The following BRMS1L variants were observed in gnomAD, a reference collection of about 807,000 sequenced individuals.
BRMS1L encodes breast cancer metastasis-suppressor 1-like protein.
BRMS1L carries 23 observed loss-of-function variants against 50.3 expected under a neutral mutation model. The observed-to-expected ratio is 0.46, with a 90% CI of 0.33 to 0.65. BRMS1L has a LOEUF of 0.65. Ranked by LOEUF, BRMS1L falls within the 30% of genes least tolerant of loss-of-function variation. The pLI, the probability that BRMS1L is intolerant of heterozygous loss-of-function variation, is 0.02. For synonymous variants in BRMS1L, 114 were observed against 126.9 expected, an observed-to-expected ratio of 0.90 and a Z score of 0.69; for missense variants, 286 against 386.1, an observed-to-expected ratio of 0.74 and a Z score of 2.17.
At position 35,863,710 on chromosome 14, in the gene BRMS1L, G is replaced by T. The variant is rs146135374; in HGVS notation, c.539-160G>T. 6.5e-3 allele frequency among the ~76,000 whole-genome samples: 995 copies of T among 152,296 alleles called. 5 individuals carry two copies. The highest frequency in any genetic ancestry group is 0.011 in the Non-Finnish European group (733 of 68,034). ...GCAGAGCAAAACTTAAACACGTAGT[G>T]CTCATGAAATTATGTACAGCTTAAT... On this transcript the variant is annotated intron_variant, in intron 5 of 9. Coordinates refer to ENST00000216807, the MANE Select transcript of BRMS1L (RefSeq NM_032352.4).
At chr14:35,865,092 G>A (rs1353200865) in intron 7 of BRMS1L, 93 bp downstream of exon 7, 1 of 922,996 alleles carries the variant, frequency 1.1e-6, no homozygotes, top group East Asian at 2.8e-5. Context: ...AAATATTATT[G>A]TAAATATGCT....
chr14:35,850,214 T>C (rs1298583554), intron 4 of BRMS1L, among the ~76,000 whole-genome samples: 1 of 151,390 alleles, frequency 6.6e-6, no homozygotes, highest in African/African-American at 2.4e-5. Flanking sequence ...CTTTTCTTTT[T>C]TTTTTTTTTT....
chr14:35,865,699 C>CTTTTTT, intron 7 of BRMS1L, 23 bp from the exon 8 acceptor site: 1 of 1,409,632 alleles, frequency 7.1e-7, no homozygotes, highest in Admixed American at 2.3e-5. Context: ...CTTTCTTCCT[C>CTTTTTT]TTTTTTTTTT....
rs530300734 is a variant in BRMS1L at position 35,844,791 on chromosome 14, TTTA to T, written c.441+9871_441+9873del. ...GACCCCATCACTAAAAAAATTACTTTTTATTTTTTGCTGCTATATCAAAAATAA... is the reference window on the plus strand; with the variant it reads ...GACCCCATCACTAAAAAAATTACTTTTTTTTTGCTGCTATATCAAAAATAA... On this transcript the variant is annotated intron_variant, in intron 4 of 9. Coordinates refer to ENST00000216807, the MANE Select transcript of BRMS1L (RefSeq NM_032352.4). Among the ~76,000 whole-genome samples the T allele has an allele frequency of 1.1e-4, 17 of 152,318 alleles. No individual in the cohort carries two copies. The South Asian group carries it at 3.5e-3, about 32-fold the overall frequency.
At chr14:35,867,167 T>G (rs969474101) in intron 8 of BRMS1L, among the ~76,000 whole-genome samples, 1 of 152,164 alleles carries the variant, frequency 6.6e-6, no homozygotes, top group African/African-American at 2.4e-5. Context: ...AAAAGAAATA[T>G]GGATCTCCTG....
chr14:35,870,037 C>T (rs1270131227), intron 9 of BRMS1L, among the ~76,000 whole-genome samples: 1 of 148,982 alleles, frequency 6.7e-6, no homozygotes, highest in Non-Finnish European at 1.5e-5. Flanking sequence ...ATACCATATA[C>T]ATAGCGCTTT....
chr14:35,865,679 A>G (rs2078410439), intron 7 of BRMS1L, 43 bp from the exon 8 acceptor site: 2 of 1,450,100 alleles, frequency 1.4e-6, no homozygotes, highest in Non-Finnish European at 1.9e-6. Context: ...TTCAGTCTGA[A>G]CTCAGACTTC....
chr14:35,865,078 A>C, intron 7 of BRMS1L, 79 bp downstream of exon 7: 1 of 1,051,784 alleles, frequency 9.5e-7, no homozygotes, highest in Non-Finnish European at 1.4e-6. Context: ...TTGTTAGTAC[A>C]TCAAAATATT....
intron 7 of BRMS1L, 46 bp from the exon 8 acceptor site, chr14:35,865,676 T>C (rs1458183831): frequency 6.9e-7 from 1 of 1,442,078 alleles, no homozygotes. Flanking sequence ...ATTTTCAGTC[T>C]GAACTCAGAC....
chr14:35,845,339 A>G (rs1333391706), intron 4 of BRMS1L, among the ~76,000 whole-genome samples: 2 of 152,222 alleles, frequency 1.3e-5, no homozygotes, highest in African/African-American at 4.8e-5. Context: ...TCCAACAAGT[A>G]TGATATTTTC....
chr14:35,858,379 T>C (rs1392800985), intron 4 of BRMS1L, among the ~76,000 whole-genome samples: 1 of 152,208 alleles, frequency 6.6e-6, no homozygotes, highest in East Asian at 1.9e-4. Context: ...GCAACCTGGA[T>C]GTCCCCTTCA....
At chr14:35,847,751 A>G (rs957250258) in intron 4 of BRMS1L, among the ~76,000 whole-genome samples, 4 of 152,200 alleles carry the variant, frequency 2.6e-5, no homozygotes, top group Middle Eastern at 3.4e-3. Context: ...GGCAACCACC[A>G]TTGTATTCTC....
chr14:35,863,318 G>A (rs1170157860), intron 5 of BRMS1L, among the ~76,000 whole-genome samples: 8 of 152,090 alleles, frequency 5.3e-5, no homozygotes, highest in Admixed American at 4.6e-4. Context: ...GCTTTTTCAG[G>A]GTGTTACAGA....
chr14:35,861,367 T>G (rs2078348953), intron 4 of BRMS1L, among the ~76,000 whole-genome samples: 1 of 152,152 alleles, frequency 6.6e-6, no homozygotes, highest in Non-Finnish European at 1.5e-5. Flanking sequence ...TTTAGAGTCA[T>G]CTTTGGTTGG....
intron 4 of BRMS1L, among the ~76,000 whole-genome samples, chr14:35,842,484 T>C (rs1435587941): frequency 2.0e-5 from 3 of 152,218 alleles, no homozygotes; most frequent in Admixed American, 2.0e-4. Context: ...TTCTTTTCTT[T>C]AAGAATATTG....
At chr14:35,852,339 T>C (rs1294989479) in intron 4 of BRMS1L, among the ~76,000 whole-genome samples, 1 of 152,172 alleles carries the variant, frequency 6.6e-6, no homozygotes, top group African/African-American at 2.4e-5. Flanking sequence ...CTAAGTATAA[T>C]AGTTGGAATT....
intron 1 of BRMS1L, 115 bp downstream of exon 1, chr14:35,826,773 G>A: frequency 7.0e-7 from 1 of 1,438,078 alleles, no homozygotes. Flanking sequence ...CAGAGGGAAG[G>A]GGCGGAGACT....
intron 8 of BRMS1L, 114 bp downstream of exon 8, chr14:35,865,875 A>G (rs1003456889): frequency 2.2e-6 from 2 of 915,142 alleles, no homozygotes; most frequent in African/African-American, 1.7e-5. Flanking sequence ...ATCAGTGAAC[A>G]CCGTGCCTGA....
chr14:35,849,965 A>G (rs967632085), intron 4 of BRMS1L, among the ~76,000 whole-genome samples: 1 of 151,530 alleles, frequency 6.6e-6, no homozygotes, highest in Admixed American at 6.6e-5. Flanking sequence ...GGCTACAGGC[A>G]TGTGCCACCA....
Sources: gnomAD v4.1 joint callset for allele counts (sites outside exome capture counted in the v4.1 genomes callset) on GRCh38, gnomAD v4.1.1 for gene constraint, MANE v1.5 for transcripts, NCBI Gene and HGNC (gene_info 2026-07-23, HGNC 2026-07-21) for gene names.